GRIN2B: variants seen among roughly 807,000 people sequenced by gnomAD.
The protein encoded by GRIN2B is glutamate ionotropic receptor NMDA type subunit 2B, also known as glutamate receptor ionotropic, NMDA 2B.
In GRIN2B, 5 loss-of-function variants were observed where a neutral mutation model predicts 114.5. The observed-to-expected ratio is 0.04, with a 90% CI of 0.02 to 0.09. GRIN2B has a LOEUF of 0.09. GRIN2B is among the 10% of genes least tolerant of loss of function. The probability of loss-of-function intolerance (pLI) is 1.00; values close to 1 mark genes in which losing one functional copy is unlikely to be tolerated. For missense variants in GRIN2B, 1,108 were observed against 1,943.5 expected, an observed-to-expected ratio of 0.57 and a Z score of 8.08; for synonymous variants, 787 against 745.1, an observed-to-expected ratio of 1.06 and a Z score of -0.92.
rs1328993938 is a variant in GRIN2B at position 13,753,851 on chromosome 12, T to C, written c.476A>G (p.Asn159Ser). The change falls in exon 4 of 14, where the codon AAC becomes AGC. Residue 159 changes from asparagine (N) to serine (S), a missense_variant. By Grantham distance (46) the Asn-to-Ser change is conservative. Coordinates refer to ENST00000609686, the MANE Select transcript of GRIN2B (RefSeq NM_000834.5). This position sits in a 1 kb window ranked among gnomAD's most constrained non-coding sequence, Gnocchi z 6.2. ...SIEQQASVMLNIMEEYDWYIF... is the reference protein window; with the variant it reads ...SIEQQASVMLSIMEEYDWYIF... Reference sequence around the variant, plus strand: ...GTACCAGTCATATTCTTCCATGATGTTGAGCATTACGGAAGCTTGCTGTTC... The same window carrying C: ...GTACCAGTCATATTCTTCCATGATGCTGAGCATTACGGAAGCTTGCTGTTC... 2 of 1,613,844 alleles carry C rather than the reference T, an allele frequency of 1.2e-6. No individual in the cohort carries two copies. Among genetic ancestry groups the C allele is most frequent in the East Asian group, 2.2e-5 (1 of 44,878 alleles).
chr12:13,575,428 G>T (rs1948761844), intron 10 of GRIN2B, among the ~76,000 whole-genome samples: 1 of 152,160 alleles, frequency 6.6e-6, no homozygotes. Context: ...GAAAGCCAAA[G>T]TGGGTGGATT....
chr12:13,865,238 A>C (rs1865808752), intron 3 of GRIN2B, among the ~76,000 whole-genome samples: 1 of 152,218 alleles, frequency 6.6e-6, no homozygotes, highest in Non-Finnish European at 1.5e-5. Context: ...AACATCCCTT[A>C]GTCATTTCAG....
intron 3 of GRIN2B, among the ~76,000 whole-genome samples, chr12:13,852,613 T>C (rs1865587198): frequency 6.7e-6 from 1 of 148,790 alleles, no homozygotes; most frequent in South Asian, 2.1e-4. Flanking sequence ...GAGTAATGAG[T>C]GACTTAAAAG....
intron 3 of GRIN2B, among the ~76,000 whole-genome samples, chr12:13,797,344 G>T (rs1052859944): frequency 2.0e-5 from 3 of 152,122 alleles, no homozygotes; most frequent in African/African-American, 7.2e-5. Context: ...CACCTTGGGG[G>T]TTAGGATTTC....
chr12:13,821,869 T>C (rs895854603), intron 3 of GRIN2B, among the ~76,000 whole-genome samples: 2 of 152,218 alleles, frequency 1.3e-5, no homozygotes, highest in Admixed American at 1.3e-4. Flanking sequence ...AATATATTCC[T>C]TGAAGTTTTT....
chr12:13,607,358 T>A (rs867166385), intron 10 of GRIN2B, among the ~76,000 whole-genome samples: 412 of 40,454 alleles, frequency 0.01, 34 homozygotes, highest in African/African-American at 0.047. Context: ...ATAAAATATA[T>A]AATATATATT....
intron 5 of GRIN2B, among the ~76,000 whole-genome samples, chr12:13,643,688 C>T (rs900868890): frequency 2.6e-5 from 4 of 152,170 alleles, no homozygotes; most frequent in Non-Finnish European, 5.9e-5. Context: ...GGAGGCAATC[C>T]TCTCAAACCC....
intron 5 of GRIN2B, among the ~76,000 whole-genome samples, chr12:13,668,727 A>G (rs1803978418): frequency 6.6e-6 from 1 of 152,080 alleles, no homozygotes; most frequent in African/African-American, 2.4e-5. Context: ...ATCAAATAGT[A>G]AGATTTAAAA....
intron 2 of GRIN2B, among the ~76,000 whole-genome samples, chr12:13,873,729 C>T (rs1415174255): frequency 1.3e-5 from 2 of 152,124 alleles, no homozygotes; most frequent in African/African-American, 2.4e-5. Context: ...TCTCCCTGGA[C>T]ATGCTAGATA....
At position 13,541,686 on chromosome 12, in the gene GRIN2B, AG is replaced by A. The variant is rs1948281916; in HGVS notation, c.*21096del. ...GGCTGGCAGGATATGACCATGCTGA[AG>A]GGTTTGCCTTTATTAGTGGACAGAG... On this transcript the variant is annotated 3_prime_UTR_variant, in exon 14 of 14. Coordinates refer to ENST00000609686, the MANE Select transcript of GRIN2B (RefSeq NM_000834.5). 1 of 152,222 alleles carries A rather than the reference AG, an allele frequency of 6.6e-6. No individual in the cohort carries two copies. Among genetic ancestry groups the A allele is most frequent in the South Asian group, 2.1e-4 (1 of 4,834 alleles). 9.4% of individuals were successfully genotyped at this position (152,222 alleles called of 1,614,324 possible). A position where few individuals can be genotyped will look rare whatever the true frequency, so the allele number is the denominator to read the frequency against.
intron 4 of GRIN2B, among the ~76,000 whole-genome samples, chr12:13,676,248 T>C (rs2136541475): frequency 6.6e-6 from 1 of 152,184 alleles, no homozygotes; most frequent in South Asian, 2.1e-4. Flanking sequence ...CTGGGCTTAA[T>C]ATTTAGGTGA....
chr12:13,714,309 T>C (rs1950438165), intron 4 of GRIN2B, among the ~76,000 whole-genome samples: 1 of 151,898 alleles, frequency 6.6e-6, no homozygotes, highest in East Asian at 1.9e-4. Context: ...TTCAGTAAGA[T>C]ACTTCCTCTG....
At chr12:13,676,383 A>G (rs143941752) in intron 4 of GRIN2B, among the ~76,000 whole-genome samples, 98 of 152,232 alleles carry the variant, frequency 6.4e-4, no homozygotes, top group African/African-American at 2.3e-3. Flanking sequence ...TGTTTGGTTT[A>G]AGTTCAGCCT....
At chr12:13,917,334 G>A (rs575256797) in intron 2 of GRIN2B, among the ~76,000 whole-genome samples, 7 of 152,310 alleles carry the variant, frequency 4.6e-5, no homozygotes, top group East Asian at 3.9e-4. Flanking sequence ...AAAAGACCAC[G>A]CACTGCTGCT....
chr12:13,563,766 G>A lies in GRIN2B; in HGVS notation c.3472C>T (p.Arg1158Trp), dbSNP rs1179858347. The change falls in exon 14 of 14, where the codon CGG becomes TGG. Residue 1158 changes from arginine to tryptophan, a missense_variant. Arg to Trp is a moderately radical substitution (Grantham distance 101). Transcript: ENST00000609686. Reference sequence around the variant, plus strand: ...GAGTCGCGCTTAAAGTCATCACTCCGCTCCTTGTAGATGTCGGTCAGGTCT... The same window carrying A: ...GAGTCGCGCTTAAAGTCATCACTCCACTCCTTGTAGATGTCGGTCAGGTCT... ...HVDLTDIYKE[R>W]SDDFKRDSVS... The A allele has an allele frequency of 2.5e-6, 4 of 1,613,962 alleles. No homozygotes were observed. The highest frequency in any genetic ancestry group is 1.6e-4 in the Middle Eastern group (1 of 6,062).
intron 3 of GRIN2B, among the ~76,000 whole-genome samples, chr12:13,792,471 T>C (rs1214507534): frequency 6.6e-6 from 1 of 152,126 alleles, no homozygotes; most frequent in Admixed American, 6.5e-5. Flanking sequence ...CAAAGGAGCT[T>C]TTTCATTAAA....
intron 3 of GRIN2B, among the ~76,000 whole-genome samples, chr12:13,834,713 A>G (rs1865224058): frequency 6.6e-6 from 1 of 152,228 alleles, no homozygotes; most frequent in Middle Eastern, 3.2e-3. Flanking sequence ...CCTTTTGTCC[A>G]AGGATTTCAG....
At chr12:13,651,829 G>A (rs574792945) in intron 5 of GRIN2B, among the ~76,000 whole-genome samples, 12 of 152,158 alleles carry the variant, frequency 7.9e-5, no homozygotes, top group Middle Eastern at 3.4e-3. Context: ...TGATATTTGC[G>A]TAATCCTGAA....
At chr12:13,904,123 T>G (rs1866500989) in intron 2 of GRIN2B, among the ~76,000 whole-genome samples, 1 of 152,032 alleles carries the variant, frequency 6.6e-6, no homozygotes, top group African/African-American at 2.4e-5. Flanking sequence ...ATTTTGTAAT[T>G]TCAGCATTTT....
Sources: gnomAD v4.1 joint callset for allele counts (sites outside exome capture counted in the v4.1 genomes callset) on GRCh38, gnomAD v4.1.1 for gene constraint, Gnocchi (gnomAD v3.1) non-coding constraint, MANE v1.5 for transcripts, NCBI Gene and HGNC (gene_info 2026-07-23, HGNC 2026-07-21) for gene names.